Variants in ZNF350 observed in about 807,000 individuals in gnomAD.
The protein encoded by ZNF350 is KRAB zinc finger protein ZFQR.
ZNF350 carries 5 observed loss-of-function variants against 13.1 expected under a neutral mutation model. That is an observed-to-expected ratio of 0.38 (90% confidence interval 0.20 to 0.80). ZNF350 has a LOEUF of 0.80. ZNF350 is among the 30% of genes least tolerant of loss of function. The pLI is 0.43. For synonymous variants in ZNF350, 199 were observed against 224.2 expected, an observed-to-expected ratio of 0.89 and a Z score of 1.00; for missense variants, 534 against 644.2, an observed-to-expected ratio of 0.83 and a Z score of 1.85.
chr19:51,972,844 G>C (rs1466068186), intron 2 of ZNF350: 2 of 151,788 alleles, frequency 1.3e-5, no homozygotes, highest in East Asian at 3.9e-4. Context: ...ATATAGACAA[G>C]GTCTCACTAG....
chr19:51,965,172 C>A lies in ZNF350; in HGVS notation c.1281G>T (p.Glu427Asp). ...TTTCCACCTTGGCTGCCTCTTGTTT[C>A]TCCCTTGTGTGTATTCTCTTATGCT... is the stretch of plus-strand genomic sequence containing the variant. ...LVKHKRIHTR[E>D]KQEAAKVENP... The change falls in exon 5 of 5, where the codon GAG becomes GAT. Residue 427 changes from glutamate to aspartate, a missense_variant. By Grantham distance (45) the Glu-to-Asp change is conservative. Coordinates refer to ENST00000243644, the MANE Select transcript of ZNF350 (RefSeq NM_021632.4). 5.6e-6 allele frequency: 9 copies of A among 1,614,190 alleles called. No homozygotes were observed. Among genetic ancestry groups the A allele is most frequent in the African/African-American group, 1.3e-5 (1 of 75,044 alleles).
chr19:51,981,888 G>T (rs2086054737), intron 1 of ZNF350: 1 of 151,980 alleles, frequency 6.6e-6, no homozygotes, highest in Non-Finnish European at 1.5e-5. Context: ...CCTAGTAACT[G>T]ACAGAACAGA....
At position 51,969,013 on chromosome 19, in the gene ZNF350, A is replaced by G. The variant is rs2085656672; in HGVS notation, c.134T>C (p.Val45Ala). The G allele has an allele frequency of 1.9e-6, 3 of 1,613,964 alleles. No individual in the cohort carries two copies. Among genetic ancestry groups the G allele is most frequent in the Non-Finnish European group, 1.7e-6 (2 of 1,179,990 alleles). The change falls in exon 3 of 5, where the codon GTG becomes GCG. Residue 45 changes from valine (V) to alanine (A), a missense_variant. Val to Ala is a moderately conservative substitution (Grantham distance 64). Coordinates refer to ENST00000243644, the MANE Select transcript of ZNF350 (RefSeq NM_021632.4). ...DVMLENYSNLVAVGYQASKPD... is the reference protein window; with the variant it reads ...DVMLENYSNLAAVGYQASKPD... ...AGGGCAGCTGTCCTCACCCACTGCC[A>G]CCAGGTTGCTGTAGTTCTCCAACAT...
rs769928136 is a variant in ZNF350, at chr19:51,968,595, T to G, written c.221A>C (p.His74Pro). The change falls in exon 4 of 5, where the codon CAC becomes CCC. Residue 74 changes from histidine (H) to proline (P), a missense_variant. His to Pro is a moderately conservative substitution (Grantham distance 77). Transcript: ENST00000243644. ...TCTCTCACCTGAACAGGCTCCACTG[T>G]GGATTCCATCTTCAATTGTCCACAG... ...EQLWTIEDGI[H>P]SGACSDIWKV... is the part of the protein sequence containing the mutation. 1.2e-6 allele frequency: 2 copies of G among 1,614,024 alleles called. No homozygotes were observed. Among genetic ancestry groups the G allele is most frequent in the Admixed American group, 3.3e-5 (2 of 60,004 alleles).
intron 3 of ZNF350, 106 bp downstream of exon 3, chr19:51,968,899 A>C: frequency 6.2e-7 from 1 of 1,607,530 alleles, no homozygotes; most frequent in South Asian, 1.1e-5. Context: ...AGGATCTGAG[A>C]ATCTACCACT....
In ZNF350 at chr19:51,974,334, A is replaced by G; in HGVS notation, c.15+12T>C. On this transcript the variant is annotated intron_variant, in intron 2 of 4. Transcript: ENST00000243644. The stretch of plus-strand genomic sequence containing the variant: ...ACAAAGGAAAGAATAAAACAAACCA[A>G]AAGTCAGTTACCTGGGCCTGGATCA... The G allele has an allele frequency of 1.2e-6, 2 of 1,613,772 alleles. No individual in the cohort carries two copies. The highest frequency in any genetic ancestry group is 1.3e-5 in the African/African-American group (1 of 75,042).
In ZNF350 at chr19:51,965,083, G is replaced by A. The variant is rs778714639; in HGVS notation, c.1370C>T (p.Ala457Val). The A allele has an allele frequency of 8.1e-6, 13 of 1,614,080 alleles. No homozygotes were observed. The Admixed American group carries it at 2.2e-4, about 27-fold the overall frequency. Residue 457 changes from alanine to valine, a missense_variant, in exon 5 of 5, where the codon GCT (alanine) becomes GTT (valine). Physicochemically the swap from Ala to Val is moderately conservative, Grantham distance 64. Transcript: ENST00000243644. ...AGGCACTTGTGTAGTCGCCCCGTTAGCAGAGTTTTTCTCCTGCATGACATC... is the reference window on the plus strand; with the variant it reads ...AGGCACTTGTGTAGTCGCCCCGTTAACAGAGTTTTTCTCCTGCATGACATC... Reference protein sequence around the residue: ...TSDVMQEKNSANGATTQVPSV... With the variant: ...TSDVMQEKNSVNGATTQVPSV...
chr19:51,985,495 A>T (rs1434684903), intron 1 of ZNF350, among the ~76,000 whole-genome samples: 1 of 152,200 alleles, frequency 6.6e-6, no homozygotes, highest in Non-Finnish European at 1.5e-5. Flanking sequence ...TTTCACATAC[A>T]TAGTTGGCTA....
chr19:51,965,240 T>C lies in ZNF350; in HGVS notation c.1213A>G (p.Asn405Asp), dbSNP rs768639393. 80 of 1,614,102 alleles carry C rather than the reference T, an allele frequency of 5.0e-5. No homozygotes were observed. The highest frequency in any genetic ancestry group is 6.6e-5 in the Non-Finnish European group (78 of 1,180,038). Residue 405 changes from asparagine (N) to aspartate (D), a missense_variant, in exon 5 of 5, where the codon AAC becomes GAC. Transcript: ENST00000243644. ...THTGERPYGC[N>D]ECGKAFAYMS... Reference sequence around the variant, plus strand: ...TACGCAAACGCTTTCCCACACTCGTTACAGCCATAGGGTCTCTCTCCTGTA... The same window carrying C: ...TACGCAAACGCTTTCCCACACTCGTCACAGCCATAGGGTCTCTCTCCTGTA...
In ZNF350 at chr19:51,981,257, A is replaced by AC. The variant is rs35435027; in HGVS notation, c.-172+5512dup. ...AACTGAGCAGCCGACCCCTTCTTCC[A>AC]CCCCCCCACCCTCCTATCTCTTTTG... On this transcript the variant is annotated intron_variant, in intron 1 of 4. Coordinates refer to ENST00000243644, the MANE Select transcript of ZNF350 (RefSeq NM_021632.4). 113 of 147,144 alleles carry AC rather than the reference A, an allele frequency of 7.7e-4. 2 individuals carry two copies. Among genetic ancestry groups the AC allele is most frequent in the Middle Eastern group, 3.4e-3 (1 of 290 alleles). The allele number at this position is 147,144 out of a possible 1,614,324, so 9.1% of individuals were successfully genotyped here. A position where few individuals can be genotyped will look rare whatever the true frequency, so the allele number is the denominator to read the frequency against.
chr19:51,972,670 C>T (rs2085774182), intron 2 of ZNF350, among the ~76,000 whole-genome samples: 2 of 151,572 alleles, frequency 1.3e-5, no homozygotes, highest in Non-Finnish European at 2.9e-5. Context: ...TATATATCTA[C>T]AGATAGATTC....
chr19:51,964,779 G>A lies in ZNF350; in HGVS notation c.*75C>T. 2.0e-6 allele frequency: 3 copies of A among 1,488,722 alleles called. No homozygotes were observed. Among genetic ancestry groups the A allele is most frequent in the Non-Finnish European group, 2.7e-6 (3 of 1,097,470 alleles). 92.2% of individuals were successfully genotyped at this position (1,488,722 alleles called of 1,614,324 possible). On this transcript the variant is annotated 3_prime_UTR_variant, in exon 5 of 5. Coordinates refer to ENST00000243644, the MANE Select transcript of ZNF350 (RefSeq NM_021632.4). ...TCTCAGCCTTATACATGTTCTCTCAGTGTATGCTTTTCGGCCACATAATGA... is the reference window on the plus strand; with the variant it reads ...TCTCAGCCTTATACATGTTCTCTCAATGTATGCTTTTCGGCCACATAATGA...
In ZNF350 at chr19:51,965,326, C is replaced by T. The variant is rs1396037919; in HGVS notation, c.1127G>A (p.Cys376Tyr). 2 of 1,614,014 alleles carry T rather than the reference C, an allele frequency of 1.2e-6. No individual in the cohort carries two copies. The highest frequency in any genetic ancestry group is 1.7e-6 in the Non-Finnish European group (2 of 1,179,876). ...RIHTGEKPFE[C>Y]SECGKAFSTK... The stretch of plus-strand genomic sequence containing the variant: ...GCTAAAGGCTTTCCCACATTCACTA[C>T]ATTCAAAGGGTTTCTCTCCTGTGTG... The change falls in exon 5 of 5, where the codon TGT (cysteine) becomes TAT (tyrosine). Residue 376 changes from cysteine (C) to tyrosine (Y), a missense_variant. By Grantham distance (194) the Cys-to-Tyr change is radical. Coordinates refer to ENST00000243644, the MANE Select transcript of ZNF350 (RefSeq NM_021632.4).
At chr19:51,966,269 T>C (rs1028509190) in intron 4 of ZNF350, 55 bp from the exon 5 acceptor site, 1 of 1,500,120 alleles carries the variant, frequency 6.7e-7, no homozygotes, top group African/African-American at 1.4e-5. Context: ...AAAAGTTTGT[T>C]GTGGTTTTTT....
Position 51,965,219 on chromosome 19 carries a change from C to T in ZNF350, c.1234G>A (p.Ala412Thr). 3 of 1,614,204 alleles carry T rather than the reference C, an allele frequency of 1.9e-6. No individual in the cohort carries two copies. The highest frequency in any genetic ancestry group is 1.1e-5 in the South Asian group (1 of 91,082). ...TGCTTAACCAGACACGACATATACGCAAACGCTTTCCCACACTCGTTACAG... is the reference window on the plus strand; with the variant it reads ...TGCTTAACCAGACACGACATATACGTAAACGCTTTCCCACACTCGTTACAG... ...YGCNECGKAF[A>T]YMSCLVKHKR... Residue 412 changes from alanine (A) to threonine (T), a missense_variant, in exon 5 of 5, where the codon GCG becomes ACG. By Grantham distance (58) the Ala-to-Thr change is moderately conservative (BLOSUM62 0). Coordinates refer to ENST00000243644, the MANE Select transcript of ZNF350 (RefSeq NM_021632.4).
Position 51,966,058 on chromosome 19 carries a change from C to A in ZNF350, c.395G>T (p.Arg132Leu), listed in dbSNP as rs377015704. Residue 132 changes from arginine (R) to leucine (L), a missense_variant, in exon 5 of 5, where the codon CGT (arginine) becomes CTT (leucine). Arg to Leu is a moderately radical substitution (Grantham distance 102). Coordinates refer to ENST00000243644, the MANE Select transcript of ZNF350 (RefSeq NM_021632.4). ...TAAATTGGATTTCAAACTTTTTCCA[C>A]GTAAGTCAAATATATCATGATTTTG... Reference protein sequence around the residue: ...LGQNHDIFDLRGKSLKSNLTL... With the variant: ...LGQNHDIFDLLGKSLKSNLTL... 6.2e-7 allele frequency: 1 copy of A among 1,614,030 alleles called. No individual in the cohort carries two copies.
Position 51,965,637 on chromosome 19 carries a change from G to A in ZNF350, c.816C>T (p.Leu272=), listed in dbSNP as rs752644609. The A allele has an allele frequency of 6.2e-7, 1 of 1,614,174 alleles. No individual in the cohort carries two copies. Among genetic ancestry groups the A allele is most frequent in the East Asian group, 2.2e-5 (1 of 44,876 alleles). ...GATGTATGTTGAGCCGTGATTTCTT[G>A]AGAAAGGCTTTGCCACATTCAGGGC... ...YECPECGKAF[L]KKSRLNIHQK... Residue 272 remains leucine, a synonymous_variant, in exon 5 of 5, where the codon CTC becomes CTT. Coordinates refer to ENST00000243644, the MANE Select transcript of ZNF350 (RefSeq NM_021632.4).
rs1226733755 is a variant in ZNF350, at chr19:51,983,791, C to T, written c.-172+2979G>A. On this transcript the variant is annotated intron_variant, in intron 1 of 4. Transcript: ENST00000243644. Reference sequence around the variant, plus strand: ...AATAAATACTAACAAAACTCAGAGACCAGTGCCGGTGTGGGTCCCCCATAT... The same window carrying T: ...AATAAATACTAACAAAACTCAGAGATCAGTGCCGGTGTGGGTCCCCCATAT... 4.6e-5 allele frequency among the ~76,000 whole-genome samples: 7 copies of T among 152,272 alleles called. No individual in the cohort carries two copies. In the East Asian group the frequency reaches 1.4e-3, roughly 29 times the overall value.
intron 1 of ZNF350, chr19:51,980,910 C>G (rs979344371): frequency 1.3e-5 from 2 of 152,190 alleles, no homozygotes; most frequent in South Asian, 2.1e-4. Context: ...TGTTTTGTCT[C>G]TGTCTTCGGT....
Sources: allele counts gnomAD v4.1 joint callset (sites outside exome capture counted in the v4.1 genomes callset), GRCh38; gene constraint gnomAD v4.1.1; transcripts MANE v1.5; gene names NCBI Gene and HGNC (gene_info 2026-07-23, HGNC 2026-07-21).